Variants in SLC12A4 observed in about 807,000 individuals in gnomAD.
SLC12A4 encodes the protein solute carrier family 12 member 4, also known as electroneutral potassium-chloride cotransporter 1.
In SLC12A4, 84 loss-of-function variants were observed where a neutral mutation model predicts 119.2. The observed-to-expected ratio is 0.70, with a 90% CI of 0.59 to 0.85. The LOEUF (loss-of-function observed/expected upper bound fraction) is 0.85, where lower values mean the gene tolerates loss of function less well. SLC12A4 is among the 40% of genes least tolerant of loss of function. The pLI is 0.00. For missense variants in SLC12A4, 1,298 were observed against 1,476.3 expected (o/e 0.88, Z 1.98); for synonymous variants, 599 against 604.6 (o/e 0.99, Z 0.14).
At chr16:67,954,824 A>T in intron 5 of SLC12A4, 51 bp from the exon 6 acceptor site, 1 of 1,610,426 alleles carries the variant, frequency 6.2e-7, no homozygotes, top group Non-Finnish European at 8.5e-7. Flanking sequence ...TTCTTCTTCA[A>T]GGGGTCTCCC....
chr16:67,953,806 A>G (rs1034527009), intron 6 of SLC12A4, among the ~76,000 whole-genome samples: 1 of 152,236 alleles, frequency 6.6e-6, no homozygotes, highest in Non-Finnish European at 1.5e-5. Context: ...ATAAATAATG[A>G]TAGTATTGGA....
In SLC12A4 at chr16:67,948,279, G is replaced by A. The variant is rs573036275; in HGVS notation, c.1749-120C>T. 3.5e-5 allele frequency: 30 copies of A among 859,642 alleles called. No homozygotes were observed. In the East Asian group the frequency reaches 7.2e-4, roughly 20 times the overall value. The allele number at this position is 859,642 out of a possible 1,614,324, so 53.3% of individuals were successfully genotyped here. On this transcript the variant is annotated intron_variant, in intron 13 of 23. Transcript: ENST00000316341. ...GGCCCTGCCCTGCATGGCTCAGCAA[G>A]GTCTTCTCAACCTCATTGCTGCCAC... is the stretch of plus-strand genomic sequence containing the variant.
At chr16:67,968,306 GT>G (rs2030953357) in intron 1 of SLC12A4, 132 bp downstream of exon 1, 3 of 766,336 alleles carry the variant, frequency 3.9e-6, no homozygotes, top group Non-Finnish European at 3.8e-6. Flanking sequence ...CAGCGGCGCG[GT>G]CCAAAAAAAG....
In SLC12A4 at chr16:67,950,562, A is replaced by G; in HGVS notation, c.1455-69T>C. ...ATGGCACAGACCACCAAAGGCAGCCAGCAGGCTTAGGACCACCCACGGGGT... is the reference window on the plus strand; with the variant it reads ...ATGGCACAGACCACCAAAGGCAGCCGGCAGGCTTAGGACCACCCACGGGGT... On this transcript the variant is annotated intron_variant, in intron 11 of 23. Coordinates refer to ENST00000316341, the MANE Select transcript of SLC12A4 (RefSeq NM_005072.5). The surrounding 1 kb of genome is among the most constrained non-coding windows in gnomAD (Gnocchi z 4.3). 1 of 1,609,690 alleles carries G rather than the reference A, an allele frequency of 6.2e-7. No individual in the cohort carries two copies. Among genetic ancestry groups the G allele is most frequent in the Non-Finnish European group, 8.5e-7 (1 of 1,177,274 alleles).
intron 6 of SLC12A4, among the ~76,000 whole-genome samples, chr16:67,953,152 T>C (rs1221773045): frequency 1.3e-5 from 2 of 151,746 alleles, no homozygotes; most frequent in Non-Finnish European, 2.9e-5. Flanking sequence ...ATCCCAGCAC[T>C]CTGGGAGGCC....
rs1257851613 is a variant in SLC12A4, at chr16:67,945,490, C to T, written c.2911G>A (p.Asp971Asn). Reference protein sequence around the residue: ...RLESLYSDEEDESAVGADKIQ... With the variant: ...RLESLYSDEENESAVGADKIQ... The stretch of plus-strand genomic sequence containing the variant: ...TTGTCAGCCCCCACTGCAGACTCAT[C>T]TTCCTCGTCCGAGTACAGGCTCTCC... Residue 971 changes from aspartate (D) to asparagine (N), a missense_variant, in exon 22 of 24, where the codon GAT becomes AAT. By Grantham distance (23) the Asp-to-Asn change is conservative. Coordinates refer to ENST00000316341, the MANE Select transcript of SLC12A4 (RefSeq NM_005072.5). 1 of 1,614,126 alleles carries T rather than the reference C, an allele frequency of 6.2e-7. No homozygotes were observed. Among genetic ancestry groups the T allele is most frequent in the Non-Finnish European group, 8.5e-7 (1 of 1,180,034 alleles).
At position 67,950,697 on chromosome 16, in the gene SLC12A4, C is replaced by A. The variant is rs978741801; in HGVS notation, c.1411G>T (p.Val471Phe). Residue 471 changes from valine to phenylalanine, a missense_variant, in exon 11 of 24, where the codon GTT (valine) becomes TTT (phenylalanine). Transcript: ENST00000316341. This position sits in a 1 kb window ranked among gnomAD's most constrained non-coding sequence, Gnocchi z 4.3. ...TTSLVYFSSVVLFGACIEGVV... is the reference protein window; with the variant it reads ...TTSLVYFSSVFLFGACIEGVV... ...CCCTCAATGCAGGCACCAAAGAGAA[C>A]CACACTGCTGAAGTCTGCGGCGGCG... 4 of 1,611,326 alleles carry A rather than the reference C, an allele frequency of 2.5e-6. No homozygotes were observed. The highest frequency in any genetic ancestry group is 3.4e-6 in the Non-Finnish European group (4 of 1,178,790).
At chr16:67,957,819 G>A (rs754548229) in intron 4 of SLC12A4, 23 bp from the exon 5 acceptor site, 67 of 1,614,064 alleles carry the variant, frequency 4.2e-5, no homozygotes, top group Middle Eastern at 1.6e-4. Context: ...GGGCCTGGGT[G>A]AGCGGCTCAG....
chr16:67,954,533 A>G, intron 6 of SLC12A4, 110 bp downstream of exon 6: 1 of 1,349,392 alleles, frequency 7.4e-7, no homozygotes, highest in Non-Finnish European at 1.0e-6. Flanking sequence ...ACTTTATAAT[A>G]CCCAGGCCTT....
chr16:67,968,381 G>T, intron 1 of SLC12A4, 58 bp downstream of exon 1: 1 of 1,449,438 alleles, frequency 6.9e-7, no homozygotes, highest in Admixed American at 2.3e-5. Context: ...GCCCGGGATG[G>T]CGGCCCCGGG....
Position 67,961,557 on chromosome 16 carries a change from C to A in SLC12A4, c.342+18G>T. ...TGTCTTCCCAGGTGTGGCCCCTCTG[C>A]CGCCCCAACCAGCTCACCTCGGCTG... On this transcript the variant is annotated intron_variant, in intron 3 of 23. Transcript: ENST00000316341. The A allele has an allele frequency of 6.2e-7, 1 of 1,610,012 alleles. No homozygotes were observed. Among genetic ancestry groups the A allele is most frequent in the Admixed American group, 1.7e-5 (1 of 59,972 alleles).
intron 7 of SLC12A4, 33 bp from the exon 8 acceptor site, chr16:67,952,070 G>A (rs1290405708): frequency 1.9e-6 from 3 of 1,609,544 alleles, no homozygotes; most frequent in African/African-American, 1.3e-5. Flanking sequence ...CACCTGCTCA[G>A]GTCAAAGCCC....
chr16:67,952,458 T>C (rs1460811072), intron 6 of SLC12A4, 33 bp from the exon 7 acceptor site: 1 of 1,608,412 alleles, frequency 6.2e-7, no homozygotes, highest in Admixed American at 1.7e-5. Context: ...GAGGGTTTTA[T>C]TTCTTATTTG....
intron 5 of SLC12A4, among the ~76,000 whole-genome samples, chr16:67,956,831 C>CATAT (rs548475355): frequency 3.7e-5 from 5 of 133,488 alleles, no homozygotes; most frequent in East Asian, 2.0e-4. Flanking sequence ...AACACACACA[C>CATAT]ACATATATAT....
intron 15 of SLC12A4, 85 bp from the exon 16 acceptor site, chr16:67,947,520 C>A: frequency 6.6e-7 from 1 of 1,509,096 alleles, no homozygotes; most frequent in Non-Finnish European, 9.0e-7. Flanking sequence ...GGGTTCTGCC[C>A]CTCAAGACCA....
intron 14 of SLC12A4, 77 bp from the exon 15 acceptor site, chr16:67,947,865 C>A: frequency 6.6e-7 from 1 of 1,526,080 alleles, no homozygotes; most frequent in East Asian, 2.4e-5. Context: ...GCCCTGGTAG[C>A]CCTGTCAGGT....
In SLC12A4 at chr16:67,944,731, AG is replaced by A; in HGVS notation, c.*108del. 6.7e-7 allele frequency: 1 copy of A among 1,492,052 alleles called. No homozygotes were observed. The highest frequency in any genetic ancestry group is 1.3e-5 in the South Asian group (1 of 76,906). 92.4% of individuals were successfully genotyped at this position (1,492,052 alleles called of 1,614,324 possible). The stretch of plus-strand genomic sequence containing the variant: ...GCAAAGCTGGGTCCAGGACAGGGCC[AG>A]GCAAGCAGGGCTGGCAGGTGGGTGC... On this transcript the variant is annotated 3_prime_UTR_variant, in exon 24 of 24. Transcript: ENST00000316341. The surrounding 1 kb of genome is among the most constrained non-coding windows in gnomAD (Gnocchi z 6.6).
intron 1 of SLC12A4, chr16:67,963,824 AC>A: frequency 7.0e-7 from 1 of 1,421,286 alleles, no homozygotes; most frequent in South Asian, 1.3e-5. Flanking sequence ...TAGCACAAGC[AC>A]GTATGGACAC....
chr16:67,963,436 C>A (rs766214841), intron 2 of SLC12A4, 29 bp downstream of exon 2: 3 of 1,519,380 alleles, frequency 2.0e-6, no homozygotes, highest in Non-Finnish European at 1.8e-6. Context: ...GTGTGCCAAA[C>A]CTGTGGCCCA....
Sources: gnomAD v4.1 joint callset for allele counts (sites outside exome capture counted in the v4.1 genomes callset) on GRCh38, gnomAD v4.1.1 for gene constraint, Gnocchi (gnomAD v3.1) non-coding constraint, MANE v1.5 for transcripts, NCBI Gene and HGNC (gene_info 2026-07-23, HGNC 2026-07-21) for gene names.